Variants in TNFRSF8 observed in about 807,000 individuals in gnomAD.
The protein encoded by TNFRSF8 is tumor necrosis factor receptor superfamily member 8.
A neutral mutation model predicts 70.8 loss-of-function variants in TNFRSF8; 26 were observed. That is an observed-to-expected ratio of 0.37 (90% CI 0.27 to 0.51). TNFRSF8 has a LOEUF of 0.51. TNFRSF8 is among the 20% of genes least tolerant of loss of function. The pLI is 0.94. For synonymous variants in TNFRSF8, 356 were observed against 339.2 expected, an observed-to-expected ratio of 1.05 and a Z score of -0.54; for missense variants, 720 against 807.9, an observed-to-expected ratio of 0.89 and a Z score of 1.32.
chr1:12,101,004 C>T lies in TNFRSF8; in HGVS notation c.269-3375C>T, dbSNP rs149079409. On this transcript the variant is annotated intron_variant, in intron 3 of 14. Coordinates refer to ENST00000263932, the MANE Select transcript of TNFRSF8 (RefSeq NM_001243.5). ...TGTCCCATTGGAAGGTCTTCAGGAG[C>T]GGTAAGGTAACATGCATGGAGTATC... Among the ~76,000 whole-genome samples, 94 of 151,560 alleles carry T rather than the reference C, an allele frequency of 6.2e-4. No homozygotes were observed. The East Asian group carries it at 0.015, about 24-fold the overall frequency.
At chr1:12,130,685 TG>T (rs1642032329) in intron 12 of TNFRSF8, among the ~76,000 whole-genome samples, 1 of 152,226 alleles carries the variant, frequency 6.6e-6, no homozygotes, top group Non-Finnish European at 1.5e-5. Flanking sequence ...TCCGTGAGCG[TG>T]GGCTTCAGAG....
In TNFRSF8 at chr1:12,108,855, A is replaced by T. The variant is rs1013045188; in HGVS notation, c.422-711A>T. Among the ~76,000 whole-genome samples the T allele has an allele frequency of 1.3e-5, 2 of 152,138 alleles. No individual in the cohort carries two copies. The highest frequency in any genetic ancestry group is 4.8e-5 in the African/African-American group (2 of 41,434). On this transcript the variant is annotated intron_variant, in intron 4 of 14. Coordinates refer to ENST00000263932, the MANE Select transcript of TNFRSF8 (RefSeq NM_001243.5). This position sits in a 1 kb window ranked among gnomAD's most constrained non-coding sequence, Gnocchi z 4.0. ...AGTAAATAAAATGGACTTTCCTGGC[A>T]CAGTTAGGACATAGCAGGCAAACTG... is the stretch of plus-strand genomic sequence containing the variant.
chr1:12,082,762 CA>C (rs1215172350), intron 1 of TNFRSF8, among the ~76,000 whole-genome samples: 2 of 151,876 alleles, frequency 1.3e-5, no homozygotes, highest in Non-Finnish European at 2.9e-5. Flanking sequence ...ATTTCTTAAA[CA>C]GGACAAAAAA....
intron 3 of TNFRSF8, among the ~76,000 whole-genome samples, chr1:12,098,989 G>A (rs1279384812): frequency 6.6e-6 from 1 of 152,102 alleles, no homozygotes; most frequent in Non-Finnish European, 1.5e-5. Context: ...TTCATGATGA[G>A]TTTATTTGGC....
intron 1 of TNFRSF8, among the ~76,000 whole-genome samples, chr1:12,083,928 A>G (rs1051887140): frequency 2.0e-5 from 3 of 152,080 alleles, no homozygotes; most frequent in African/African-American, 7.2e-5. Context: ...TTTTGGGAGG[A>G]GTGTGTGGGA....
In TNFRSF8 at chr1:12,138,443, C is replaced by A. The variant is rs1057361510; in HGVS notation, c.1543+7C>A. 2.8e-5 allele frequency: 45 copies of A among 1,606,770 alleles called. No homozygotes were observed. Among genetic ancestry groups the A allele is most frequent in the Non-Finnish European group, 3.7e-5 (44 of 1,175,002 alleles). ...CACACCAATAACAAGATTGGTGAGT[C>A]AGCCTGTTTTGGGAGGTCCCCTGCA... On this transcript the variant is annotated splice_region_variant and intron_variant, in intron 14 of 14. Coordinates refer to ENST00000263932, the MANE Select transcript of TNFRSF8 (RefSeq NM_001243.5). This position sits in a 1 kb window ranked among gnomAD's most constrained non-coding sequence, Gnocchi z 5.7.
At chr1:12,122,976 G>A (rs1199047675) in intron 8 of TNFRSF8, among the ~76,000 whole-genome samples, 2 of 152,028 alleles carry the variant, frequency 1.3e-5, no homozygotes, top group African/African-American at 4.8e-5. Context: ...TTACAGGTGT[G>A]TGCCATCACA....
At chr1:12,126,359 T>G in intron 12 of TNFRSF8, 123 bp downstream of exon 12, 1 of 1,118,706 alleles carries the variant, frequency 8.9e-7, no homozygotes. Flanking sequence ...TGTCTGTGGC[T>G]CCTGTCGCAT....
rs768264174 is a variant in TNFRSF8 at position 12,110,068 on chromosome 1, C to A, written c.540C>A (p.Thr180=). ...SSGTIPQAKP[T]PVSPATSSAS... ...GCACCATCCCCCAGGCCAAGCCCAC[C>A]CCGGTGTCCCCAGCAACCTCCAGTG... Residue 180 remains threonine, a synonymous_variant, in exon 6 of 15, where the codon ACC becomes ACA. Transcript: ENST00000263932. This position sits in a 1 kb window ranked among gnomAD's most constrained non-coding sequence, Gnocchi z 4.0. 1 of 1,613,104 alleles carries A rather than the reference C, an allele frequency of 6.2e-7. No individual in the cohort carries two copies.
At chr1:12,066,011 G>A (rs1640733897) in intron 1 of TNFRSF8, among the ~76,000 whole-genome samples, 1 of 152,248 alleles carries the variant, frequency 6.6e-6, no homozygotes, top group Non-Finnish European at 1.5e-5. Context: ...CCTCCCGCTA[G>A]CAGTGCAAGA....
intron 1 of TNFRSF8, among the ~76,000 whole-genome samples, chr1:12,075,868 C>T (rs1421098737): frequency 1.3e-5 from 2 of 152,180 alleles, no homozygotes; most frequent in African/African-American, 4.8e-5. Context: ...CACCTCCAAC[C>T]AGAAACATTC....
At chr1:12,087,286 G>T (rs966305218) in intron 2 of TNFRSF8, among the ~76,000 whole-genome samples, 2 of 150,386 alleles carry the variant, frequency 1.3e-5, no homozygotes, top group Non-Finnish European at 2.9e-5. Flanking sequence ...TCTTGCCTCA[G>T]CCTCCTGAGT....
intron 1 of TNFRSF8, among the ~76,000 whole-genome samples, chr1:12,069,472 G>A (rs999060715): frequency 2.0e-5 from 3 of 152,078 alleles, no homozygotes; most frequent in African/African-American, 7.2e-5. Flanking sequence ...GAGCCACCAC[G>A]CCTGGCCTGA....
chr1:12,079,106 G>A (rs1425307519), intron 1 of TNFRSF8, among the ~76,000 whole-genome samples: 2 of 152,144 alleles, frequency 1.3e-5, no homozygotes, highest in East Asian at 1.9e-4. Context: ...CTAACTCCCC[G>A]CTCACCCCAC....
intron 1 of TNFRSF8, among the ~76,000 whole-genome samples, chr1:12,066,933 G>A (rs563289065): frequency 1.2e-4 from 18 of 152,310 alleles, no homozygotes; most frequent in African/African-American, 4.1e-4. Flanking sequence ...GATTACAGGC[G>A]TGAGCCACCG....
In TNFRSF8 at chr1:12,105,007, C is replaced by T. The variant is rs11569857; in HGVS notation, c.421+476C>T. On this transcript the variant is annotated intron_variant, in intron 4 of 14. Transcript: ENST00000263932. ...GTGTGACCTCAGACAAGTTTCTTAC[C>T]TCTCTGACTTCTACTTCTCTGATAG... is the stretch of plus-strand genomic sequence containing the variant. 3.8e-3 allele frequency among the ~76,000 whole-genome samples: 576 copies of T among 152,262 alleles called. 2 individuals carry two copies. The highest frequency in any genetic ancestry group is 0.013 in the African/African-American group (558 of 41,536).
intron 1 of TNFRSF8, among the ~76,000 whole-genome samples, chr1:12,073,182 C>A (rs1339990807): frequency 3.3e-5 from 5 of 152,222 alleles, no homozygotes; most frequent in Middle Eastern, 3.4e-3. Flanking sequence ...TCACGTGAGC[C>A]CAGGAGGTCA....
At chr1:12,125,679 G>A (rs1480886581) in intron 10 of TNFRSF8, among the ~76,000 whole-genome samples, 1 of 152,196 alleles carries the variant, frequency 6.6e-6, no homozygotes, top group African/African-American at 2.4e-5. Flanking sequence ...TTGGTCTATT[G>A]GACCTCAATT....
chr1:12,074,027 C>G (rs1640894237), intron 1 of TNFRSF8, among the ~76,000 whole-genome samples: 1 of 151,850 alleles, frequency 6.6e-6, no homozygotes, highest in African/African-American at 2.4e-5. Flanking sequence ...TTGCTTCGGC[C>G]CTGGAATCTT....
Sources: gnomAD v4.1 joint callset for allele counts (sites outside exome capture counted in the v4.1 genomes callset) on GRCh38, gnomAD v4.1.1 for gene constraint, Gnocchi (gnomAD v3.1) non-coding constraint, MANE v1.5 for transcripts, NCBI Gene and HGNC (gene_info 2026-07-23, HGNC 2026-07-21) for gene names.